The following GSE1 variants were observed in gnomAD, a reference collection of about 807,000 sequenced individuals.
GSE1 encodes Gse1 coiled-coil protein.
A neutral mutation model predicts 112.6 loss-of-function variants in GSE1; 32 were observed. The observed-to-expected ratio is 0.28, with a 90% CI of 0.21 to 0.38. The LOEUF is 0.38. Among genes scored for constraint, GSE1 ranks in the 10% least tolerant of loss-of-function variants. GSE1 has a pLI of 1.00. For synonymous variants in GSE1, 1,115 were observed against 735.6 expected (o/e 1.52, Z -8.35); for missense variants, 2,348 against 1,699.2 (o/e 1.38, Z -6.71).
chr16:85,665,955 C>A (rs2151985405), intron 12 of GSE1, 21 bp from the exon 13 acceptor site: 2 of 1,611,400 alleles, frequency 1.2e-6, no homozygotes, highest in Admixed American at 1.7e-5. Context: ...TTAATATTTT[C>A]CTTCACTTTG....
At chr16:85,356,009 A>T (rs1281611601) in intron 1 of GSE1, among the ~76,000 whole-genome samples, 4 of 152,214 alleles carry the variant, frequency 2.6e-5, no homozygotes, top group African/African-American at 9.6e-5. Context: ...CCTGGGTGAC[A>T]GAGTGAGACT....
At chr16:85,423,563 G>A (rs12925585) in intron 2 of GSE1, among the ~76,000 whole-genome samples, 56,890 of 149,910 alleles carry the variant, frequency 0.38, 11,832 homozygotes, top group Non-Finnish European at 0.46. Context: ...GAGCCACCAT[G>A]CACTAACATG....
At chr16:85,648,363 G>T (rs2051056255) in intron 2 of GSE1, among the ~76,000 whole-genome samples, 189 bp from the exon 3 acceptor site, 1 of 152,058 alleles carries the variant, frequency 6.6e-6, no homozygotes, top group Non-Finnish European at 1.5e-5. Flanking sequence ...CTGAGCTGCT[G>T]ACCCGATCGG....
intron 2 of GSE1, among the ~76,000 whole-genome samples, chr16:85,425,300 C>CACGGGTGATGTGAGGTGGTG (rs144839284): frequency 2.5e-4 from 8 of 32,634 alleles, no homozygotes; most frequent in Admixed American, 1.0e-3. Context: ...GGAGGGGATG[C>CACGGGTGATGTGAGGTGGTG]ACGGGTGATG....
At chr16:85,474,427 G>C (rs917847673) in intron 2 of GSE1, among the ~76,000 whole-genome samples, 1 of 152,140 alleles carries the variant, frequency 6.6e-6, no homozygotes, top group Non-Finnish European at 1.5e-5. Flanking sequence ...GGAGGCGGGT[G>C]GGGGACCTCG....
At chr16:85,670,911 G>A (rs1266765886) in intron 14 of GSE1, 84 bp from the exon 15 acceptor site, 7 of 838,466 alleles carry the variant, frequency 8.3e-6, no homozygotes, top group African/African-American at 3.3e-5. Context: ...GGGCTCTGCT[G>A]GGCAGGGTGT....
intron 1 of GSE1, among the ~76,000 whole-genome samples, chr16:85,235,394 C>CG (rs1246346495): frequency 7.4e-6 from 1 of 134,644 alleles, no homozygotes; most frequent in African/African-American, 2.8e-5. Context: ...CAGACCGCAG[C>CG]GGGGGGTGGG....
chr16:85,229,509 C>G (rs1484241124), intron 1 of GSE1, among the ~76,000 whole-genome samples: 2 of 152,226 alleles, frequency 1.3e-5, no homozygotes, highest in Non-Finnish European at 2.9e-5. Context: ...GTGCCATGCA[C>G]CGTGCTAAGT....
chr16:85,649,549 G>A (rs2051160435), intron 3 of GSE1, among the ~76,000 whole-genome samples: 1 of 152,178 alleles, frequency 6.6e-6, no homozygotes, highest in Non-Finnish European at 1.5e-5. Flanking sequence ...GGGCCTGCCT[G>A]TGTGGAAGGA....
At chr16:85,175,875 G>A (rs1227444834) in intron 1 of GSE1, among the ~76,000 whole-genome samples, 1 of 152,202 alleles carries the variant, frequency 6.6e-6, no homozygotes, top group Non-Finnish European at 1.5e-5. Flanking sequence ...AGTTCAGAGA[G>A]GTTAAGCAAC....
At chr16:85,178,518 G>C (rs1165768921) in intron 1 of GSE1, among the ~76,000 whole-genome samples, 1 of 152,132 alleles carries the variant, frequency 6.6e-6, no homozygotes, top group East Asian at 1.9e-4. Flanking sequence ...TCTCTGAGGG[G>C]TGGTCCCGGG....
upstream of GSE1, among the ~76,000 whole-genome samples, chr16:85,553,112 C>T (rs1449379127): frequency 2.0e-5 from 3 of 151,400 alleles, no homozygotes; most frequent in East Asian, 3.9e-4. Flanking sequence ...AGCGGGTGGG[C>T]GGTCTAACCC....
chr16:85,463,754 A>G (rs2050045626), intron 2 of GSE1, among the ~76,000 whole-genome samples: 1 of 152,180 alleles, frequency 6.6e-6, no homozygotes, highest in Non-Finnish European at 1.5e-5. Context: ...TAAGAGTCAC[A>G]GAGCCCGCCG....
chr16:85,625,744 A>G (rs1317276800), intron 1 of GSE1, among the ~76,000 whole-genome samples: 1 of 152,074 alleles, frequency 6.6e-6, no homozygotes, highest in Non-Finnish European at 1.5e-5. Context: ...CGGGCAGAAT[A>G]TGGGGTTCAG....
At chr16:85,455,671 C>T (rs901435217) in intron 2 of GSE1, among the ~76,000 whole-genome samples, 2 of 152,332 alleles carry the variant, frequency 1.3e-5, no homozygotes, top group Admixed American at 6.5e-5. Flanking sequence ...GGGAGCCTGG[C>T]GCGCTGCAAG....
chr16:85,675,554 C>G lies in GSE1; in HGVS notation c.*3015C>G, dbSNP rs2053634918. ...ACCCTTAAGAGTATTCAGAGAGCAT[C>G]AAAAGGAGCCCACACCTTCAGCAGT... On this transcript the variant is annotated 3_prime_UTR_variant, in exon 16 of 16. Coordinates refer to ENST00000253458, the MANE Select transcript of GSE1 (RefSeq NM_014615.5). 2 of 152,198 alleles carry G rather than the reference C, an allele frequency of 1.3e-5. No homozygotes were observed. The highest frequency in any genetic ancestry group is 1.3e-4 in the Admixed American group (2 of 15,280). 9.4% of individuals were successfully genotyped at this position (152,198 alleles called of 1,614,324 possible).
At chr16:85,314,717 C>T (rs1044524527) in intron 1 of GSE1, among the ~76,000 whole-genome samples, 15 of 152,312 alleles carry the variant, frequency 9.8e-5, no homozygotes, top group African/African-American at 1.9e-4. Context: ...CCGTCTCCCC[C>T]GCAGCAGGCC....
intron 2 of GSE1, among the ~76,000 whole-genome samples, chr16:85,511,512 G>A (rs1451583135): frequency 1.5e-3 from 214 of 139,984 alleles, no homozygotes; most frequent in African/African-American, 5.5e-3. Flanking sequence ...TGGGCAACAA[G>A]AGCAAAACTC....
At chr16:85,499,962 C>A (rs1300281089) in intron 2 of GSE1, among the ~76,000 whole-genome samples, 2 of 152,138 alleles carry the variant, frequency 1.3e-5, no homozygotes, top group Non-Finnish European at 2.9e-5. Context: ...TCCAGAAATC[C>A]CATGCTGGGG....
Sources: gnomAD v4.1 joint callset for allele counts (sites outside exome capture counted in the v4.1 genomes callset) on GRCh38, gnomAD v4.1.1 for gene constraint, MANE v1.5 for transcripts, NCBI Gene and HGNC (gene_info 2026-07-23, HGNC 2026-07-21) for gene names.